Variants in SDK1 observed in about 807,000 individuals in gnomAD.
SDK1 encodes protein sidekick-1.
SDK1 carries 157 observed loss-of-function variants against 245.5 expected under a neutral mutation model. The observed-to-expected ratio is 0.64, with a 90% CI of 0.56 to 0.73. SDK1 has a LOEUF of 0.73. Ranked by LOEUF, SDK1 falls within the 30% of genes least tolerant of loss-of-function variation. The pLI is 0.00. For synonymous variants in SDK1, 1,647 were observed against 1,278.5 expected, an observed-to-expected ratio of 1.29 and a Z score of -6.15; for missense variants, 3,583 against 3,002.3, an observed-to-expected ratio of 1.19 and a Z score of -4.52.
chr7:4,049,631 T>C lies in SDK1; in HGVS notation c.2718+168T>C, dbSNP rs1789291788. Reference sequence around the variant, plus strand: ...TTATCCAAAGTCTTGGCATCAGCTCTGCAGGTTCAGAAATTCAAATTCCTA... The same window carrying C: ...TTATCCAAAGTCTTGGCATCAGCTCCGCAGGTTCAGAAATTCAAATTCCTA... On this transcript the variant is annotated intron_variant, in intron 18 of 44. Transcript: ENST00000404826. Among the ~76,000 whole-genome samples, 4 of 152,234 alleles carry C rather than the reference T, an allele frequency of 2.6e-5. No homozygotes were observed. In the South Asian group the frequency reaches 8.3e-4, roughly 32 times the overall value.
chr7:4,000,762 C>T (rs1022586604), intron 14 of SDK1, among the ~76,000 whole-genome samples: 2 of 152,210 alleles, frequency 1.3e-5, no homozygotes, highest in Admixed American at 6.5e-5. Flanking sequence ...CTCACACAGG[C>T]GTTTTCTAAT....
intron 44 of SDK1, among the ~76,000 whole-genome samples, chr7:4,248,922 C>G (rs1371719933): frequency 6.8e-6 from 1 of 147,856 alleles, no homozygotes; most frequent in African/African-American, 2.7e-5. Context: ...TGCACACATA[C>G]ACATATGTAC....
At chr7:3,390,455 C>G (rs1249006487) in intron 1 of SDK1, among the ~76,000 whole-genome samples, 1 of 152,158 alleles carries the variant, frequency 6.6e-6, no homozygotes, top group Non-Finnish European at 1.5e-5. Context: ...CTGGAAGCAT[C>G]TTTCCTATAC....
chr7:3,428,594 A>G (rs1779742181), intron 1 of SDK1, among the ~76,000 whole-genome samples: 1 of 152,216 alleles, frequency 6.6e-6, no homozygotes, highest in Non-Finnish European at 1.5e-5. Flanking sequence ...GAAAAAAATT[A>G]TTAGCATGTG....
At chr7:4,035,826 C>T (rs543465713) in intron 17 of SDK1, among the ~76,000 whole-genome samples, 1 of 152,076 alleles carries the variant, frequency 6.6e-6, no homozygotes, top group African/African-American at 2.4e-5. Context: ...ATCAACATGG[C>T]CTTGTCAAAA....
chr7:3,707,661 CT>C (rs1290732130), intron 4 of SDK1, among the ~76,000 whole-genome samples: 6 of 152,224 alleles, frequency 3.9e-5, no homozygotes, highest in East Asian at 1.9e-4. Context: ...AAGGCCCCCC[CT>C]ATTATCGTGT....
At chr7:3,388,383 G>T (rs1015317528) in intron 1 of SDK1, among the ~76,000 whole-genome samples, 2 of 149,958 alleles carry the variant, frequency 1.3e-5, no homozygotes, top group Non-Finnish European at 3.0e-5. Flanking sequence ...CTATGTGATT[G>T]AAGATTAAAA....
intron 1 of SDK1, among the ~76,000 whole-genome samples, chr7:3,427,554 G>C (rs1309530605): frequency 6.6e-6 from 1 of 150,946 alleles, no homozygotes; most frequent in Admixed American, 6.6e-5. Flanking sequence ...GAAGAATTGA[G>C]AATTAAAAAC....
intron 5 of SDK1, among the ~76,000 whole-genome samples, chr7:3,835,608 A>T (rs1053392730): frequency 1.2e-4 from 18 of 152,198 alleles, no homozygotes; most frequent in African/African-American, 4.3e-4. Flanking sequence ...AACTCTTAGC[A>T]TAAGTCCCTG....
intron 1 of SDK1, among the ~76,000 whole-genome samples, chr7:3,580,756 C>T (rs978971177): frequency 1.3e-5 from 2 of 151,926 alleles, no homozygotes; most frequent in Non-Finnish European, 2.9e-5. Flanking sequence ...AGCATGAGGT[C>T]AAGAGATTGA....
intron 5 of SDK1, among the ~76,000 whole-genome samples, chr7:3,896,626 C>T (rs764988704): frequency 1.1e-4 from 16 of 152,130 alleles, no homozygotes; most frequent in African/African-American, 2.2e-4. Context: ...TTCAAGGCAG[C>T]GAGCTGGACA....
At chr7:3,949,419 C>G (rs1161168427) in intron 5 of SDK1, among the ~76,000 whole-genome samples, 1 of 152,240 alleles carries the variant, frequency 6.6e-6, no homozygotes, top group African/African-American at 2.4e-5. Flanking sequence ...AGCCCGTCGT[C>G]TCTTTCCCGT....
chr7:4,211,503 T>C (rs10260900), intron 38 of SDK1, among the ~76,000 whole-genome samples: 98,807 of 151,938 alleles, frequency 0.65, 34,543 homozygotes, highest in African/African-American at 0.91. Context: ...TGGCGTGAAG[T>C]GGAGGAATGG....
At chr7:3,407,096 C>G (rs1008372102) in intron 1 of SDK1, among the ~76,000 whole-genome samples, 12 of 152,118 alleles carry the variant, frequency 7.9e-5, no homozygotes, top group African/African-American at 2.9e-4. Flanking sequence ...GGTAGGAAAA[C>G]AAACAAATAA....
At chr7:3,467,832 C>T (rs1003114189) in intron 1 of SDK1, among the ~76,000 whole-genome samples, 1 of 152,012 alleles carries the variant, frequency 6.6e-6, no homozygotes, top group African/African-American at 2.4e-5. Context: ...TTTCCCTTAG[C>T]ATTAGACTTT....
intron 1 of SDK1, among the ~76,000 whole-genome samples, 194 bp downstream of exon 1, chr7:3,302,078 C>G (rs1779283368): frequency 6.6e-6 from 1 of 152,100 alleles, no homozygotes; most frequent in African/African-American, 2.4e-5. Flanking sequence ...CCCGTAGAGC[C>G]TGCACCCCGT....
chr7:4,164,191 C>A (rs540959075), intron 32 of SDK1, among the ~76,000 whole-genome samples: 1 of 152,336 alleles, frequency 6.6e-6, no homozygotes. Flanking sequence ...ACGAAAACAG[C>A]CTGGGCCCCA....
In SDK1 at chr7:3,723,854, ACATATACACGTG is replaced by A. The variant is rs1327399305; in HGVS notation, c.713+81750_713+81761del. On this transcript the variant is annotated intron_variant, in intron 4 of 44. Transcript: ENST00000404826. ...TACACGTGTATATACACGTACATAT[ACATATACACGTG>A]TATATACACGTACATATATATATAC... Among the ~76,000 whole-genome samples, 55 of 146,806 alleles carry A rather than the reference ACATATACACGTG, an allele frequency of 3.7e-4. 1 individual carries two copies. Among genetic ancestry groups the A allele is most frequent in the African/African-American group, 1.4e-3 (53 of 38,500 alleles).
chr7:4,138,044 AT>A (rs1779213736), intron 28 of SDK1, among the ~76,000 whole-genome samples: 1 of 152,202 alleles, frequency 6.6e-6, no homozygotes, highest in South Asian at 2.1e-4. Context: ...ACCAGCTGAT[AT>A]TATCTTTATT....
Sources: gnomAD v4.1 joint callset for allele counts (sites outside exome capture counted in the v4.1 genomes callset) on GRCh38, gnomAD v4.1.1 for gene constraint, MANE v1.5 for transcripts, NCBI Gene and HGNC (gene_info 2026-07-23, HGNC 2026-07-21) for gene names.